The following ZNF676 variants were observed in gnomAD, a reference collection of about 807,000 sequenced individuals.
ZNF676 encodes the protein zinc finger protein 676.
A neutral mutation model predicts 6.0 loss-of-function variants in ZNF676; 4 were observed. The ratio of observed to expected loss-of-function variants is 0.67; its 90% CI spans 0.33 to 1.53. The LOEUF is 1.53. Ranked by LOEUF, ZNF676 falls within the 40% of genes most tolerant of loss-of-function variation. The probability of loss-of-function intolerance (pLI) is 0.06; values close to 1 mark genes in which losing one functional copy is unlikely to be tolerated. For synonymous variants in ZNF676, 198 were observed against 223.1 expected (o/e 0.89, Z 1.00); for missense variants, 644 against 679.7 (o/e 0.95, Z 0.58).
At chr19:22,251,092 G>C in the ZNF676 span, among the ~76,000 whole-genome samples, 2 of 152,128 alleles carry the variant, frequency 1.3e-5, no homozygotes, top group Non-Finnish European at 2.9e-5. Flanking sequence ...CCAACTCACA[G>C]GTATCTGATG....
At chr19:22,195,504 T>G (rs1179182799) in intron 1 of ZNF676, among the ~76,000 whole-genome samples, 1 of 152,210 alleles carries the variant, frequency 6.6e-6, no homozygotes, top group Non-Finnish European at 1.5e-5. Context: ...GTCACACTAA[T>G]AACTTCTATT....
the ZNF676 span, among the ~76,000 whole-genome samples, chr19:22,239,132 C>T: frequency 6.6e-6 from 1 of 151,954 alleles, no homozygotes; most frequent in Non-Finnish European, 1.5e-5. Context: ...AAGCTGAATC[C>T]AGAAATGAGT....
chr19:22,255,192 T>C, the ZNF676 span, among the ~76,000 whole-genome samples: 2 of 152,206 alleles, frequency 1.3e-5, no homozygotes, highest in Non-Finnish European at 2.9e-5. Flanking sequence ...CCAACCCATC[T>C]GTGGACAAGA....
the ZNF676 span, among the ~76,000 whole-genome samples, chr19:22,239,858 G>C: frequency 6.6e-6 from 1 of 152,198 alleles, no homozygotes; most frequent in Non-Finnish European, 1.5e-5. Flanking sequence ...CAGGTGAGGA[G>C]AGTCACATCA....
intron 2 of ZNF676, among the ~76,000 whole-genome samples, chr19:22,187,044 T>C (rs1568527537): frequency 6.6e-6 from 1 of 152,106 alleles, no homozygotes; most frequent in Non-Finnish European, 1.5e-5. Context: ...TACAGGGCTC[T>C]ACCCCAAATC....
chr19:22,215,178 A>C (rs2024171290), intron 1 of ZNF676, among the ~76,000 whole-genome samples: 1 of 152,172 alleles, frequency 6.6e-6, no homozygotes, highest in Non-Finnish European at 1.5e-5. Context: ...CATAAACTAC[A>C]ATCCATAGTT....
At chr19:22,233,259 G>A in the ZNF676 span, among the ~76,000 whole-genome samples, 4 of 152,168 alleles carry the variant, frequency 2.6e-5, no homozygotes, top group East Asian at 3.9e-4. Flanking sequence ...TCCACCCATC[G>A]CTGCCTTCCA....
chr19:22,226,378 G>C, the ZNF676 span, among the ~76,000 whole-genome samples: 1 of 151,914 alleles, frequency 6.6e-6, no homozygotes, highest in African/African-American at 2.4e-5. Context: ...GCTAGTTATA[G>C]TTAATAATCA....
At chr19:22,221,681 G>A in the ZNF676 span, among the ~76,000 whole-genome samples, 1 of 151,938 alleles carries the variant, frequency 6.6e-6, no homozygotes, top group Admixed American at 6.6e-5. Flanking sequence ...AACTTGGGAG[G>A]CAGAGGTTGC....
At chr19:22,210,762 A>C (rs1022328598) in intron 1 of ZNF676, among the ~76,000 whole-genome samples, 11 of 152,198 alleles carry the variant, frequency 7.2e-5, no homozygotes, top group African/African-American at 2.7e-4. Context: ...TCAGTGGTCA[A>C]CATAAAATAC....
At chr19:22,205,122 A>G (rs1362786568) in intron 1 of ZNF676, among the ~76,000 whole-genome samples, 1 of 152,136 alleles carries the variant, frequency 6.6e-6, no homozygotes, top group Non-Finnish European at 1.5e-5. Context: ...GAAGAGAGAA[A>G]ATTGTTATAA....
At chr19:22,209,841 T>C (rs771027763) in intron 1 of ZNF676, among the ~76,000 whole-genome samples, 7 of 151,924 alleles carry the variant, frequency 4.6e-5, no homozygotes, top group South Asian at 2.1e-4. Flanking sequence ...TGTCTGAAAA[T>C]AGGGATATGC....
intron 2 of ZNF676, among the ~76,000 whole-genome samples, chr19:22,182,412 C>A (rs1445416920): frequency 6.6e-6 from 1 of 151,026 alleles, no homozygotes; most frequent in Admixed American, 6.6e-5. Context: ...CAGAAAGAAA[C>A]CATTGAAAAT....
chr19:22,245,201 C>T, the ZNF676 span: 1 of 152,200 alleles, frequency 6.6e-6, no homozygotes, highest in East Asian at 1.9e-4. Context: ...AGATGTGTCA[C>T]TATTTTCCCT....
chr19:22,215,471 G>A (rs1227833052), intron 1 of ZNF676, among the ~76,000 whole-genome samples: 1 of 152,174 alleles, frequency 6.6e-6, no homozygotes, highest in Non-Finnish European at 1.5e-5. Context: ...CCGGCGGCCC[G>A]CGCAGCCGCC....
chr19:22,201,523 G>A (rs189029201), upstream of ZNF676, among the ~76,000 whole-genome samples: 202 of 152,210 alleles, frequency 1.3e-3, 1 homozygote, highest in African/African-American at 4.4e-3. Flanking sequence ...GTTACAGCAA[G>A]TAAAGTGAAA....
chr19:22,228,558 T>C, the ZNF676 span, among the ~76,000 whole-genome samples: 1 of 152,138 alleles, frequency 6.6e-6, no homozygotes, highest in Non-Finnish European at 1.5e-5. Flanking sequence ...AAAGAGGAAG[T>C]CAAATTGTCT....
the ZNF676 span, chr19:22,243,267 T>C: frequency 6.6e-6 from 1 of 151,882 alleles, no homozygotes; most frequent in African/African-American, 2.4e-5. Context: ...TGTGTAAAAA[T>C]GCTTTATTTT....
At chr19:22,212,199 CAAAA>C (rs34421901) in intron 1 of ZNF676, among the ~76,000 whole-genome samples, 8 of 119,128 alleles carry the variant, frequency 6.7e-5, no homozygotes, top group Non-Finnish European at 1.2e-4. Flanking sequence ...GATTCTGTCT[CAAAA>C]AAAAAAAAAA....
Sources: gnomAD v4.1 joint callset for allele counts (sites outside exome capture counted in the v4.1 genomes callset) on GRCh38, gnomAD v4.1.1 for gene constraint, MANE v1.5 for transcripts, NCBI Gene and HGNC (gene_info 2026-07-23, HGNC 2026-07-21) for gene names.